The following COLEC12 variants were observed in gnomAD, a reference collection of about 807,000 sequenced individuals.
The protein encoded by COLEC12 is collectin-12.
In COLEC12, 33 loss-of-function variants were observed where a neutral mutation model predicts 71.1. The ratio of observed to expected loss-of-function variants is 0.46; its 90% CI spans 0.35 to 0.62. COLEC12 has a LOEUF of 0.62. Ranked by LOEUF, COLEC12 falls within the 20% of genes least tolerant of loss-of-function variation. The pLI, the probability that COLEC12 is intolerant of heterozygous loss-of-function variation, is 0.00. For missense variants in COLEC12, 765 were observed against 916.1 expected (o/e 0.84, Z 2.13); for synonymous variants, 350 against 353.0 (o/e 0.99, Z 0.10).
At chr18:481,671 T>C (rs934066350) in intron 1 of COLEC12, among the ~76,000 whole-genome samples, 5 of 151,618 alleles carry the variant, frequency 3.3e-5, no homozygotes, top group African/African-American at 4.9e-5. Context: ...GCCATTGAAC[T>C]CCAGCCTGGG....
At chr18:363,077 G>A (rs1706498680) in intron 2 of COLEC12, among the ~76,000 whole-genome samples, 1 of 152,052 alleles carries the variant, frequency 6.6e-6, no homozygotes, top group Non-Finnish European at 1.5e-5. Context: ...TTTGCTGGTT[G>A]GGGGAATAAT....
intron 2 of COLEC12, among the ~76,000 whole-genome samples, chr18:363,153 T>G (rs1914783468): frequency 6.6e-6 from 1 of 152,234 alleles, no homozygotes; most frequent in African/African-American, 2.4e-5. Context: ...AATTCCTTTC[T>G]GCTGTGGTTC....
At chr18:331,867 C>A in intron 7 of COLEC12, 90 bp from the exon 8 acceptor site, 1 of 790,592 alleles carries the variant, frequency 1.3e-6, no homozygotes. Flanking sequence ...GAAAAAAGGA[C>A]AATTTAAAAG....
intron 2 of COLEC12, among the ~76,000 whole-genome samples, chr18:436,920 T>C (rs1362287971): frequency 1.3e-5 from 2 of 152,198 alleles, no homozygotes; most frequent in African/African-American, 4.8e-5. Flanking sequence ...TGTTAATTAA[T>C]TGATTTTGCC....
chr18:498,384 A>AGTC (rs1917754050), intron 1 of COLEC12, among the ~76,000 whole-genome samples: 1 of 93,966 alleles, frequency 1.1e-5, no homozygotes, highest in Non-Finnish European at 2.0e-5. Flanking sequence ...TTTTAGACGG[A>AGTC]GTCTCGCTCT....
intron 2 of COLEC12, among the ~76,000 whole-genome samples, chr18:414,117 T>C (rs911233943): frequency 6.6e-6 from 1 of 152,240 alleles, no homozygotes; most frequent in African/African-American, 2.4e-5. Context: ...TTTTGTAAGA[T>C]GTTACCACTG....
At chr18:389,289 T>C (rs1443297802) in intron 2 of COLEC12, among the ~76,000 whole-genome samples, 1 of 149,614 alleles carries the variant, frequency 6.7e-6, no homozygotes, top group African/African-American at 2.5e-5. Flanking sequence ...AGTCTTGCTC[T>C]GTCGCCCAGG....
At chr18:353,438 A>G (rs992724388) in intron 3 of COLEC12, among the ~76,000 whole-genome samples, 1 of 152,200 alleles carries the variant, frequency 6.6e-6, no homozygotes, top group Non-Finnish European at 1.5e-5. Context: ...GTTTAACTCC[A>G]AAATCCATGC....
chr18:423,768 T>G (rs28463288), intron 2 of COLEC12: 51,412 of 151,956 alleles, frequency 0.34, 9,032 homozygotes, highest in Middle Eastern at 0.44. Flanking sequence ...GTTTTGTTTT[T>G]TTTTCCCAGT....
chr18:365,631 C>A (rs575602194), intron 2 of COLEC12, among the ~76,000 whole-genome samples: 113 of 152,198 alleles, frequency 7.4e-4, no homozygotes, highest in African/African-American at 2.6e-3. Flanking sequence ...AAGAAGGTGA[C>A]AGGAGGGTTT....
At chr18:344,262 A>G (rs1242909705) in intron 5 of COLEC12, among the ~76,000 whole-genome samples, 1 of 152,146 alleles carries the variant, frequency 6.6e-6, no homozygotes, top group African/African-American at 2.4e-5. Flanking sequence ...ATTTTCAGCT[A>G]ATACCCATTT....
chr18:425,152 CTTAA>C (rs1023912950), intron 2 of COLEC12, among the ~76,000 whole-genome samples: 3 of 152,310 alleles, frequency 2.0e-5, no homozygotes, highest in South Asian at 2.1e-4. Context: ...GTGCAACCTT[CTTAA>C]TTGTGTCTAT....
At chr18:498,748 C>T (rs1200931591) in intron 1 of COLEC12, among the ~76,000 whole-genome samples, 1 of 152,134 alleles carries the variant, frequency 6.6e-6, no homozygotes, top group East Asian at 1.9e-4. Context: ...ACCTCCCCGA[C>T]TGGGGCGGAA....
At chr18:470,555 T>A (rs1792106036) in intron 2 of COLEC12, among the ~76,000 whole-genome samples, 1 of 151,944 alleles carries the variant, frequency 6.6e-6, no homozygotes, top group Admixed American at 6.6e-5. Context: ...AAGACCAGCC[T>A]GGGCAATGTA....
Position 346,858 on chromosome 18 carries a change from G to T in COLEC12, c.764C>A (p.Thr255Lys). 6.2e-7 allele frequency: 1 copy of T among 1,614,148 alleles called. No individual in the cohort carries two copies. Among genetic ancestry groups the T allele is most frequent in the Non-Finnish European group, 8.5e-7 (1 of 1,180,002 alleles). ...CTGCACTTTCTCCTTCAGCCAATCC[G>T]TGTCCTTCTTGGCTTGAAGAAAAAC... Reference protein sequence around the residue: ...QQVFLQAKKDTDWLKEKVQSL... With the variant: ...QQVFLQAKKDKDWLKEKVQSL... The change falls in exon 5 of 10, where the codon ACG (threonine) becomes AAG (lysine). Residue 255 changes from threonine (T) to lysine (K), a missense_variant. Coordinates refer to ENST00000400256, the MANE Select transcript of COLEC12 (RefSeq NM_130386.3). The surrounding 1 kb of genome is among the most constrained non-coding windows in gnomAD (Gnocchi z 4.0).
rs1914392943 is a variant in COLEC12 at position 346,984 on chromosome 18, T to C, written c.638A>G (p.Gln213Arg). The C allele has an allele frequency of 6.2e-7, 1 of 1,614,112 alleles. No individual in the cohort carries two copies. The highest frequency in any genetic ancestry group is 8.5e-7 in the Non-Finnish European group (1 of 1,180,052). Residue 213 changes from glutamine to arginine, a missense_variant, in exon 5 of 10, where the codon CAG becomes CGG. Physicochemically the swap from Gln to Arg is conservative, Grantham distance 43. Transcript: ENST00000400256. This position sits in a 1 kb window ranked among gnomAD's most constrained non-coding sequence, Gnocchi z 4.0. The stretch of plus-strand genomic sequence containing the variant: ...CGTGATGAGGTTCCTCTGCTGCACC[T>C]GGGTCAGGTTCAGGTTGTTGAGGTT... Reference protein sequence around the residue: ...IMNLNNLNLTQVQQRNLITNL... With the variant: ...IMNLNNLNLTRVQQRNLITNL...
chr18:460,423 T>A (rs1017201320), intron 2 of COLEC12, among the ~76,000 whole-genome samples: 1 of 152,228 alleles, frequency 6.6e-6, no homozygotes, highest in Admixed American at 6.5e-5. Context: ...CAGGAATTTA[T>A]CTGTCTTAAG....
intron 2 of COLEC12, among the ~76,000 whole-genome samples, chr18:457,159 G>A (rs1034763851): frequency 1.3e-5 from 2 of 152,252 alleles, no homozygotes; most frequent in South Asian, 2.1e-4. Flanking sequence ...GAGGCCTGCC[G>A]ATCTGCTGAC....
intron 2 of COLEC12, among the ~76,000 whole-genome samples, chr18:400,119 C>A (rs887235007): frequency 6.6e-6 from 1 of 152,082 alleles, no homozygotes; most frequent in Non-Finnish European, 1.5e-5. Context: ...AGGAAGGAGA[C>A]CGCAAGAAGA....
Sources: allele counts gnomAD v4.1 joint callset (sites outside exome capture counted in the v4.1 genomes callset), GRCh38; gene constraint gnomAD v4.1.1; non-coding constraint Gnocchi (gnomAD v3.1); transcripts MANE v1.5; gene names NCBI Gene and HGNC (gene_info 2026-07-23, HGNC 2026-07-21).